Variants in NRG1 observed in about 807,000 individuals in gnomAD.
NRG1 encodes the protein pro-neuregulin-1, membrane-bound isoform.
Under a neutral mutation model 63.8 loss-of-function variants are expected in NRG1, and 18 were observed. The observed-to-expected ratio is 0.28, with a 90% CI of 0.19 to 0.42. The LOEUF is 0.42. Ranked by LOEUF, NRG1 falls within the 10% of genes least tolerant of loss-of-function variation. NRG1 has a pLI of 1.00. For synonymous variants in NRG1, 302 were observed against 301.3 expected (o/e 1.00, Z -0.02); for missense variants, 762 against 814.7 (o/e 0.94, Z 0.79).
At chr8:32,302,631 G>T (rs992290380) in intron 1 of NRG1, among the ~76,000 whole-genome samples, 1 of 141,106 alleles carries the variant, frequency 7.1e-6, no homozygotes, top group African/African-American at 2.6e-5. Context: ...ACTGTTTAAT[G>T]AAAATGAAGT....
chr8:32,087,476 T>TTCTG (rs1828397482), intron 1 of NRG1, among the ~76,000 whole-genome samples: 1 of 75,606 alleles, frequency 1.3e-5, no homozygotes, highest in African/African-American at 4.8e-5. Context: ...GGTATTTCTT[T>TTCTG]TCTTTCTTTT....
At chr8:32,150,518 A>G (rs1415120149) in intron 1 of NRG1, among the ~76,000 whole-genome samples, 1 of 152,184 alleles carries the variant, frequency 6.6e-6, no homozygotes, top group African/African-American at 2.4e-5. Flanking sequence ...TGCTTCTGCC[A>G]TGTGAGGGCG....
intron 1 of NRG1, among the ~76,000 whole-genome samples, chr8:31,949,977 T>G (rs991710153): frequency 1.3e-5 from 2 of 152,240 alleles, no homozygotes; most frequent in East Asian, 1.9e-4. Context: ...TTAGCATGTC[T>G]TGGCTATTTT....
At chr8:31,679,594 A>G (rs938400882) in intron 1 of NRG1, among the ~76,000 whole-genome samples, 1 of 152,174 alleles carries the variant, frequency 6.6e-6, no homozygotes, top group East Asian at 1.9e-4. Flanking sequence ...TTGAGCAAAC[A>G]TGATATTTAT....
At chr8:31,894,480 T>A (rs373662452) in intron 1 of NRG1, among the ~76,000 whole-genome samples, 2 of 152,154 alleles carry the variant, frequency 1.3e-5, no homozygotes, top group African/African-American at 4.8e-5. Flanking sequence ...AAAGGCTGCA[T>A]GAAAATATGG....
At position 32,412,434 on chromosome 8, in the gene NRG1, A is replaced by ATATG. The variant is rs1554532817; in HGVS notation, c.38-183391_38-183390insGTAT. On this transcript the variant is annotated intron_variant, in intron 1 of 10. Transcript: ENST00000519301. ...TCTCTCTCTCTCTACATATATATAT[A>ATATG]TATATATATATATATATACATATAT... Among the ~76,000 whole-genome samples the ATATG allele has an allele frequency of 2.4e-3, 95 of 39,888 alleles. 3 individuals carry two copies. The highest frequency in any genetic ancestry group is 4.8e-3 in the African/African-American group (69 of 14,328). 26.2% of individuals were successfully genotyped at this position (39,888 alleles called of 152,430 possible).
intron 1 of NRG1, among the ~76,000 whole-genome samples, chr8:32,516,630 T>C (rs1829850756): frequency 1.3e-5 from 2 of 152,156 alleles, no homozygotes; most frequent in Non-Finnish European, 2.9e-5. Flanking sequence ...GTTCTCTTTG[T>C]AGGTATCTTC....
At chr8:32,557,844 T>C (rs981083339) in intron 1 of NRG1, among the ~76,000 whole-genome samples, 2 of 152,236 alleles carry the variant, frequency 1.3e-5, no homozygotes, top group Non-Finnish European at 2.9e-5. Context: ...ATTTTCCATA[T>C]ATTAAATTGA....
At chr8:32,621,205 A>T (rs1848272626) in intron 5 of NRG1, among the ~76,000 whole-genome samples, 1 of 152,156 alleles carries the variant, frequency 6.6e-6, no homozygotes, top group Non-Finnish European at 1.5e-5. Flanking sequence ...GTTGTTAATT[A>T]TATTTTTAAG....
At chr8:32,517,961 A>G (rs1000227288) in intron 1 of NRG1, among the ~76,000 whole-genome samples, 4 of 152,194 alleles carry the variant, frequency 2.6e-5, no homozygotes, top group African/African-American at 9.7e-5. Context: ...ACAGAGAAAC[A>G]GGAGAAGAAA....
In NRG1 at chr8:31,879,654, G is replaced by T. The variant is rs151331027; in HGVS notation, c.37+240223G>T. Among the ~76,000 whole-genome samples the T allele has an allele frequency of 2.9e-3, 447 of 152,174 alleles. 2 individuals are homozygous for T. The Middle Eastern group carries it at 0.041, about 14-fold the overall frequency. On this transcript the variant is annotated intron_variant, in intron 1 of 10. Coordinates refer to the NRG1 transcript ENST00000519301. Reference sequence around the variant, plus strand: ...TTGTTGTACATATTATTACATCATTGAGGTATTAAGCTCAGTACCTGGTAG... The same window carrying T: ...TTGTTGTACATATTATTACATCATTTAGGTATTAAGCTCAGTACCTGGTAG...
At chr8:31,641,361 A>C (rs1437754503) in intron 1 of NRG1, among the ~76,000 whole-genome samples, 2 of 151,944 alleles carry the variant, frequency 1.3e-5, no homozygotes, top group East Asian at 1.9e-4. Flanking sequence ...AGTCATCTCA[A>C]GAAATTTTGT....
chr8:31,947,284 G>A (rs575646637), intron 1 of NRG1, among the ~76,000 whole-genome samples: 1 of 146,870 alleles, frequency 6.8e-6, no homozygotes, highest in Non-Finnish European at 1.5e-5. Context: ...TCCGGCCTGG[G>A]CGACAGAGTG....
At chr8:32,319,665 A>G (rs1801150945) in intron 1 of NRG1, among the ~76,000 whole-genome samples, 1 of 152,162 alleles carries the variant, frequency 6.6e-6, no homozygotes, top group African/African-American at 2.4e-5. Context: ...TAAAAGGAGT[A>G]CCACTTTATT....
intron 1 of NRG1, among the ~76,000 whole-genome samples, chr8:32,093,186 G>A (rs1829431613): frequency 1.3e-5 from 2 of 152,120 alleles, no homozygotes; most frequent in African/African-American, 4.8e-5. Context: ...AGCCCCAACC[G>A]TGTGCTCGCA....
intron 1 of NRG1, among the ~76,000 whole-genome samples, chr8:32,537,577 C>A (rs902751740): frequency 2.0e-5 from 3 of 152,166 alleles, no homozygotes; most frequent in Non-Finnish European, 4.4e-5. Context: ...CTGGGGACAC[C>A]TGTGCTGGGT....
chr8:31,723,583 G>C (rs1209113367), intron 1 of NRG1, among the ~76,000 whole-genome samples: 1 of 151,972 alleles, frequency 6.6e-6, no homozygotes, highest in African/African-American at 2.4e-5. Context: ...TCTCAGTCTT[G>C]AGTAACTGGG....
chr8:32,376,833 A>G (rs1317508865), intron 1 of NRG1, among the ~76,000 whole-genome samples: 1 of 152,222 alleles, frequency 6.6e-6, no homozygotes, highest in African/African-American at 2.4e-5. Context: ...AGCAAGTCTG[A>G]GTAGAACTCT....
intron 1 of NRG1, among the ~76,000 whole-genome samples, chr8:32,056,598 G>A (rs778844939): frequency 6.6e-6 from 1 of 152,048 alleles, no homozygotes; most frequent in Non-Finnish European, 1.5e-5. Context: ...AATCAAACAT[G>A]TATAGTTTAC....
Sources: allele counts gnomAD v4.1 joint callset (sites outside exome capture counted in the v4.1 genomes callset), GRCh38; gene constraint gnomAD v4.1.1; transcripts MANE v1.5; gene names NCBI Gene and HGNC (gene_info 2026-07-23, HGNC 2026-07-21).